The following TTC34 variants were observed in gnomAD, a reference collection of about 807,000 sequenced individuals.
The protein encoded by TTC34 is tetratricopeptide repeat domain 34, also known as tetratricopeptide repeat protein 34.
TTC34 carries 44 observed loss-of-function variants against 40.7 expected under a neutral mutation model. The ratio of observed to expected loss-of-function variants is 1.08; its 90% CI spans 0.85 to 1.39. TTC34 has a LOEUF of 1.39. TTC34 is among the 40% of genes most tolerant of loss of function. The pLI, the probability that TTC34 is intolerant of heterozygous loss-of-function variation, is 0.00. For missense variants in TTC34, 884 were observed against 838.0 expected (o/e 1.05, Z -0.68); for synonymous variants, 422 against 398.6 (o/e 1.06, Z -0.70).
chr1:2,647,490 C>T (rs1639043477), intron 6 of TTC34, among the ~76,000 whole-genome samples: 2 of 152,082 alleles, frequency 1.3e-5, no homozygotes, highest in South Asian at 4.2e-4. Flanking sequence ...AAAACTTAGC[C>T]AGGCATAGTG....
intron 6 of TTC34, among the ~76,000 whole-genome samples, chr1:2,752,117 G>C (rs1296135183): frequency 2.2e-5 from 2 of 90,192 alleles, no homozygotes; most frequent in Non-Finnish European, 4.2e-5. Context: ...ACAGCCTGGA[G>C]CAACACCCAC....
Position 2,682,021 on chromosome 1 carries a change from C to A in TTC34, c.2227-36458G>T, listed in dbSNP as rs1208845712. On this transcript the variant is annotated intron_variant, in intron 6 of 8. Transcript: ENST00000401095. ...GCATCAGACAGCCTGGAACAACACCCATACCCACAGGTGAGCATCTGACAT... is the reference window on the plus strand; with the variant it reads ...GCATCAGACAGCCTGGAACAACACCAATACCCACAGGTGAGCATCTGACAT... 3.3e-5 allele frequency among the ~76,000 whole-genome samples: 4 copies of A among 122,086 alleles called. No homozygotes were observed. In the South Asian group the frequency reaches 8.3e-4, roughly 25 times the overall value. 80.1% of individuals were successfully genotyped at this position (122,086 alleles called of 152,430 possible). A position where few individuals can be genotyped will look rare whatever the true frequency, so the allele number is the denominator to read the frequency against.
chr1:2,792,837 G>A (rs560002248), intron 2 of TTC34, among the ~76,000 whole-genome samples: 1 of 152,338 alleles, frequency 6.6e-6, no homozygotes, highest in Admixed American at 6.5e-5. Flanking sequence ...GCCAGCATCT[G>A]CTGAACAATG....
intron 6 of TTC34, among the ~76,000 whole-genome samples, chr1:2,756,576 A>C: frequency 1.3e-5 from 2 of 151,320 alleles, no homozygotes; most frequent in African/African-American, 4.9e-5. Context: ...AGCCTGAAGC[A>C]GCACCCACAC....
intron 6 of TTC34, among the ~76,000 whole-genome samples, chr1:2,777,257 A>T (rs1451612075): frequency 1.8e-5 from 2 of 108,378 alleles, no homozygotes; most frequent in African/African-American, 7.5e-5. Context: ...CCACACCCCC[A>T]GTGAGCATCT....
At chr1:2,771,392 A>G (rs1642107101) in intron 6 of TTC34, among the ~76,000 whole-genome samples, 1 of 69,122 alleles carries the variant, frequency 1.4e-5, no homozygotes, top group Non-Finnish European at 2.5e-5. Context: ...AGCCTGGAAC[A>G]GAACCCCACT....
At chr1:2,771,552 C>T (rs1468445604) in intron 6 of TTC34, among the ~76,000 whole-genome samples, 2 of 72,134 alleles carry the variant, frequency 2.8e-5, no homozygotes, top group Admixed American at 1.2e-4. Flanking sequence ...CAGCCTGGAG[C>T]AGCACACACA....
At chr1:2,653,887 C>G (rs923438686) in intron 6 of TTC34, among the ~76,000 whole-genome samples, 1 of 142,230 alleles carries the variant, frequency 7.0e-6, no homozygotes, top group African/African-American at 2.6e-5. Flanking sequence ...GCAGCACCCA[C>G]ACCCACAGGT....
At chr1:2,688,343 T>C (rs867654884) in intron 6 of TTC34, among the ~76,000 whole-genome samples, 1 of 125,206 alleles carries the variant, frequency 8.0e-6, no homozygotes, top group African/African-American at 3.2e-5. Context: ...CAGGTGAGCA[T>C]CGGACAGCCT....
At chr1:2,698,252 G>T (rs1396808195) in intron 6 of TTC34, among the ~76,000 whole-genome samples, 1 of 68,916 alleles carries the variant, frequency 1.5e-5, no homozygotes, top group Non-Finnish European at 3.8e-5. Flanking sequence ...ACACCCCCAG[G>T]TAAGCATCTG....
intron 6 of TTC34, among the ~76,000 whole-genome samples, chr1:2,646,356 C>T (rs1639021920): frequency 6.6e-6 from 1 of 152,154 alleles, no homozygotes; most frequent in Non-Finnish European, 1.5e-5. Context: ...CGATGCATTT[C>T]CTCACATAGT....
In TTC34 at chr1:2,796,039, A is replaced by G. The variant is rs1158145200; in HGVS notation, c.784+4005T>C. On this transcript the variant is annotated intron_variant, in intron 2 of 8. Transcript: ENST00000401095. This position sits in a 1 kb window ranked among gnomAD's most constrained non-coding sequence, Gnocchi z 4.5. ...GGGCTCTGCTCTTGTGGGTGGGATT[A>G]ATGCAAGTTCAGCCCCTTTCGCCTC... 6.6e-6 allele frequency among the ~76,000 whole-genome samples: 1 copy of G among 152,182 alleles called. No individual in the cohort carries two copies. The highest frequency in any genetic ancestry group is 1.5e-5 in the Non-Finnish European group (1 of 68,016).
chr1:2,752,169 C>G (rs1343863963), intron 6 of TTC34, among the ~76,000 whole-genome samples: 2 of 113,794 alleles, frequency 1.8e-5, no homozygotes, highest in Non-Finnish European at 3.5e-5. Flanking sequence ...AGCACCCACA[C>G]CAACAGGTGA....
intron 6 of TTC34, among the ~76,000 whole-genome samples, chr1:2,682,184 AC>A (rs58244036): frequency 5.4e-3 from 548 of 101,760 alleles, no homozygotes; most frequent in Non-Finnish European, 8.8e-3. Context: ...AGCAGCACCC[AC>A]CACTCCCAGG....
intron 6 of TTC34, among the ~76,000 whole-genome samples, chr1:2,683,860 A>G (rs1640195955): frequency 6.6e-6 from 1 of 151,376 alleles, no homozygotes; most frequent in Non-Finnish European, 1.5e-5. Flanking sequence ...GACAGCCTGG[A>G]GCAGAACCCA....
intron 5 of TTC34, among the ~76,000 whole-genome samples, chr1:2,784,581 C>A (rs1643547461): frequency 6.6e-6 from 1 of 152,152 alleles, no homozygotes; most frequent in African/African-American, 2.4e-5. Flanking sequence ...ACCACTTGAC[C>A]AAGGGGCCCT....
chr1:2,751,627 GGCCTGGAACAGCACCCACA>G (rs1641323518), intron 6 of TTC34, among the ~76,000 whole-genome samples: 1 of 8,628 alleles, frequency 1.2e-4, no homozygotes. Context: ...AGCATCTGAC[GGCCTGGAACAGCACCCACA>G]CCCCCAGTTG....
intron 6 of TTC34, among the ~76,000 whole-genome samples, chr1:2,768,936 C>G (rs1347305601): frequency 2.2e-5 from 1 of 46,000 alleles, no homozygotes; most frequent in South Asian, 7.4e-4. Flanking sequence ...GAAACCCCCC[C>G]ACTGCTTCCA....
At chr1:2,637,028 C>T (rs1188192972) in exon 9 of TTC34, 4 of 152,226 alleles carry the variant, frequency 2.6e-5, no homozygotes, top group Admixed American at 2.6e-4. Context: ...GACGGAACAG[C>T]TCTCAGCAGA....
Sources: allele counts gnomAD v4.1 joint callset (sites outside exome capture counted in the v4.1 genomes callset), GRCh38; gene constraint gnomAD v4.1.1; non-coding constraint Gnocchi (gnomAD v3.1); transcripts MANE v1.5; gene names NCBI Gene and HGNC (gene_info 2026-07-23, HGNC 2026-07-21).